Variants in KCNH7 observed in about 807,000 individuals in gnomAD.
KCNH7 encodes voltage-gated inwardly rectifying potassium channel KCNH7.
Under a neutral mutation model 120.8 loss-of-function variants are expected in KCNH7, and 49 were observed. The observed-to-expected ratio is 0.41, with a 90% CI of 0.32 to 0.51. The LOEUF (loss-of-function observed/expected upper bound fraction) is 0.51, where lower values mean the gene tolerates loss of function less well. Ranked by LOEUF, KCNH7 falls within the 20% of genes least tolerant of loss-of-function variation. The pLI is 0.38. For synonymous variants in KCNH7, 547 were observed against 516.1 expected, an observed-to-expected ratio of 1.06 and a Z score of -0.81; for missense variants, 1,097 against 1,446.6, an observed-to-expected ratio of 0.76 and a Z score of 3.92.
chr2:162,812,205 G>T (rs905421254), intron 2 of KCNH7, among the ~76,000 whole-genome samples: 1 of 152,162 alleles, frequency 6.6e-6, no homozygotes, highest in South Asian at 2.1e-4. Flanking sequence ...CCACAGCAGA[G>T]AATTTAGACA....
intron 3 of KCNH7, among the ~76,000 whole-genome samples, chr2:162,530,498 A>T (rs1348983387): frequency 6.6e-6 from 1 of 151,754 alleles, no homozygotes; most frequent in Non-Finnish European, 1.5e-5. Context: ...ACACACAATT[A>T]CAAACACTTT....
chr2:162,405,301 T>G (rs1298071493), intron 9 of KCNH7, among the ~76,000 whole-genome samples: 1 of 151,992 alleles, frequency 6.6e-6, no homozygotes, highest in Non-Finnish European at 1.5e-5. Flanking sequence ...ATGCTTTCTG[T>G]GATTGTTAAA....
intron 2 of KCNH7, among the ~76,000 whole-genome samples, chr2:162,784,427 G>C (rs1209430087): frequency 6.6e-6 from 1 of 151,808 alleles, no homozygotes; most frequent in Non-Finnish European, 1.5e-5. Flanking sequence ...TGTCATGTTA[G>C]GTATAGAAAT....
At chr2:162,772,970 C>A (rs1683108690) in intron 2 of KCNH7, among the ~76,000 whole-genome samples, 1 of 152,178 alleles carries the variant, frequency 6.6e-6, no homozygotes, top group Non-Finnish European at 1.5e-5. Flanking sequence ...CTCCTTGAAG[C>A]TTTGCACCCA....
At chr2:162,479,366 C>CTTTATATATTCTTTATATATA (rs1689850314) in intron 6 of KCNH7, among the ~76,000 whole-genome samples, 5 of 151,874 alleles carry the variant, frequency 3.3e-5, no homozygotes, top group African/African-American at 1.2e-4. Context: ...AAATGAAAGG[C>CTTTATATATTCTTTATATATA]TTGTGAACTT....
chr2:162,485,192 AC>A (rs370483283), intron 6 of KCNH7, among the ~76,000 whole-genome samples: 2 of 152,304 alleles, frequency 1.3e-5, no homozygotes, highest in African/African-American at 4.8e-5. Flanking sequence ...TCGCTTCTCT[AC>A]CTTAGTGATC....
At chr2:162,826,566 T>A (rs1685295055) in intron 2 of KCNH7, among the ~76,000 whole-genome samples, 1 of 152,144 alleles carries the variant, frequency 6.6e-6, no homozygotes, top group Admixed American at 6.6e-5. Flanking sequence ...AATTTCTCAG[T>A]TAATAAACAA....
intron 2 of KCNH7, among the ~76,000 whole-genome samples, chr2:162,740,402 A>G (rs1688081918): frequency 1.3e-5 from 2 of 152,210 alleles, no homozygotes; most frequent in Admixed American, 1.3e-4. Flanking sequence ...TCTTCCAGGC[A>G]CAACAGGCAC....
rs1694042727 is a variant in KCNH7, at chr2:162,587,031, T to TAAGCAA, written c.308-49952_308-49951insTTGCTT. On this transcript the variant is annotated intron_variant, in intron 2 of 15. Transcript: ENST00000332142. ...TTTTTCCATCACTAATTCTACTGATTAAATGTTACTTGTAAGCAAAACTTA... is the reference window on the plus strand; with the variant it reads ...TTTTTCCATCACTAATTCTACTGATTAAGCAAAAATGTTACTTGTAAGCAAAACTTA... Among the ~76,000 whole-genome samples the TAAGCAA allele has an allele frequency of 7.2e-5, 11 of 152,232 alleles. No homozygotes were observed. In the South Asian group the frequency reaches 2.3e-3, roughly 32 times the overall value.
At chr2:162,598,590 G>A (rs1694453028) in intron 2 of KCNH7, among the ~76,000 whole-genome samples, 1 of 151,998 alleles carries the variant, frequency 6.6e-6, no homozygotes. Context: ...TGAGTAATTT[G>A]GTCAATTAAA....
Position 162,790,646 on chromosome 2 carries a change from G to A in KCNH7, c.307+45891C>T, listed in dbSNP as rs1436749604. 3.3e-5 allele frequency among the ~76,000 whole-genome samples: 5 copies of A among 152,024 alleles called. No homozygotes were observed. The East Asian group carries it at 9.6e-4, about 29-fold the overall frequency. ...AGGATCATTCATCATAGGAAAGTGA[G>A]ATTTACACTTGGGAGGAAAGGACGG... On this transcript the variant is annotated intron_variant, in intron 2 of 15. Transcript: ENST00000332142.
chr2:162,732,609 G>A (rs1466700839), intron 2 of KCNH7, among the ~76,000 whole-genome samples: 2 of 152,084 alleles, frequency 1.3e-5, no homozygotes, highest in Non-Finnish European at 2.9e-5. Context: ...CAATTATAAG[G>A]TGCACTCACA....
At chr2:162,776,721 A>G (rs749874046) in intron 2 of KCNH7, among the ~76,000 whole-genome samples, 7 of 152,134 alleles carry the variant, frequency 4.6e-5, no homozygotes, top group Non-Finnish European at 8.8e-5. Context: ...CATAATCTTA[A>G]AAGGCAATGG....
At chr2:162,752,948 GAAAAGAAAAGAAAAGAAAAGAAAAGA>G (rs1559116303) in intron 2 of KCNH7, among the ~76,000 whole-genome samples, 5 of 103,254 alleles carry the variant, frequency 4.8e-5, no homozygotes, top group African/African-American at 3.1e-4. Context: ...GAAAAGAAAA[GAAAAGAAAAGAAAAGAAAAGAAAAGA>G]AAAGAAAAGA....
At chr2:162,429,375 GAA>G (rs749145884) in intron 8 of KCNH7, among the ~76,000 whole-genome samples, 13 of 89,170 alleles carry the variant, frequency 1.5e-4, no homozygotes, top group Non-Finnish European at 2.1e-4. Flanking sequence ...TAGAAATGAG[GAA>G]AAAGTCTTTT....
intron 2 of KCNH7, among the ~76,000 whole-genome samples, chr2:162,635,435 C>T (rs1559055932): frequency 1.3e-5 from 2 of 152,022 alleles, no homozygotes. Context: ...AATGTGTAAT[C>T]ATTGCTTATT....
rs374623843 is a variant in KCNH7 at position 162,450,451 on chromosome 2, T to G, written c.1129-4008A>C. On this transcript the variant is annotated intron_variant, in intron 6 of 15. Coordinates refer to ENST00000332142, the MANE Select transcript of KCNH7 (RefSeq NM_033272.4). ...TGCATGTTTTATGTGACCGTTTAATTGTCTCATGACTTTTAATAGCCAAAC... is the reference window on the plus strand; with the variant it reads ...TGCATGTTTTATGTGACCGTTTAATGGTCTCATGACTTTTAATAGCCAAAC... Among the ~76,000 whole-genome samples the G allele has an allele frequency of 1.6e-4, 24 of 152,188 alleles. No homozygotes were observed. The East Asian group carries it at 4.1e-3, about 26-fold the overall frequency.
At chr2:162,537,237 C>T (rs530492204) in intron 2 of KCNH7, among the ~76,000 whole-genome samples, 157 bp from the exon 3 acceptor site, 3 of 151,900 alleles carry the variant, frequency 2.0e-5, no homozygotes, top group Non-Finnish European at 4.4e-5. Flanking sequence ...TATTTTATTG[C>T]ATACCATATT....
chr2:162,580,488 C>T (rs143128641), intron 2 of KCNH7, among the ~76,000 whole-genome samples: 2 of 151,982 alleles, frequency 1.3e-5, no homozygotes, highest in South Asian at 2.1e-4. Flanking sequence ...ACAAAATTAC[C>T]CTATTCCACT....
Sources: gnomAD v4.1 joint callset for allele counts (sites outside exome capture counted in the v4.1 genomes callset) on GRCh38, gnomAD v4.1.1 for gene constraint, MANE v1.5 for transcripts, NCBI Gene and HGNC (gene_info 2026-07-23, HGNC 2026-07-21) for gene names.